Variants in ABCB5 observed in about 807,000 individuals in gnomAD.
ABCB5 encodes the protein ATP-binding cassette sub-family B member 5.
Under a neutral mutation model 144.2 loss-of-function variants are expected in ABCB5, and 155 were observed. That is an observed-to-expected ratio of 1.08 (90% confidence interval 0.94 to 1.23). The LOEUF is 1.23. ABCB5 is among the 50% of genes most tolerant of loss of function. The probability of loss-of-function intolerance (pLI) is 0.00; values close to 1 mark genes in which losing one functional copy is unlikely to be tolerated. For missense variants in ABCB5, 1,830 were observed against 1,520.8 expected, an observed-to-expected ratio of 1.20 and a Z score of -3.38; for synonymous variants, 610 against 528.6, an observed-to-expected ratio of 1.15 and a Z score of -2.11.
chr7:20,649,995 T>A, intron 11 of ABCB5, 27 bp from the exon 12 acceptor site: 4 of 1,593,962 alleles, frequency 2.5e-6, no homozygotes, highest in Non-Finnish European at 3.4e-6. Flanking sequence ...TGTGGTTTTA[T>A]GATTTTCCCT....
At chr7:20,717,128 C>T (rs1781698816) in intron 20 of ABCB5, among the ~76,000 whole-genome samples, 1 of 152,126 alleles carries the variant, frequency 6.6e-6, no homozygotes, top group African/African-American at 2.4e-5. Flanking sequence ...ATGCCAAGAA[C>T]TTAAGGTCCA....
chr7:20,701,729 C>T (rs1304634567), intron 19 of ABCB5, among the ~76,000 whole-genome samples: 2 of 152,216 alleles, frequency 1.3e-5, no homozygotes, highest in Non-Finnish European at 2.9e-5. Flanking sequence ...CATGTACATA[C>T]TCACAAAGAC....
intron 20 of ABCB5, among the ~76,000 whole-genome samples, chr7:20,706,728 A>C (rs1786836490): frequency 6.6e-6 from 1 of 152,210 alleles, no homozygotes; most frequent in Non-Finnish European, 1.5e-5. Flanking sequence ...AAACTGTCCC[A>C]GGTTGCAAAT....
intron 9 of ABCB5, 78 bp downstream of exon 9, chr7:20,646,216 G>C: frequency 1.5e-6 from 2 of 1,359,158 alleles, no homozygotes; most frequent in Non-Finnish European, 2.0e-6. Context: ...CCTCTTTGAA[G>C]ATAAATATTC....
intron 14 of ABCB5, among the ~76,000 whole-genome samples, chr7:20,681,011 T>TC: frequency 1.6e-4 from 1 of 6,196 alleles, no homozygotes; most frequent in Admixed American, 1.8e-3. Context: ...TCTTTCTTTC[T>TC]TTCTTTCTTT....
intron 16 of ABCB5, among the ~76,000 whole-genome samples, chr7:20,687,502 A>G (rs1470117860): frequency 1.3e-5 from 2 of 152,260 alleles, no homozygotes; most frequent in African/African-American, 4.8e-5. Flanking sequence ...GCTGGACAAT[A>G]GTCACAGACC....
At position 20,711,778 on chromosome 7, in the gene ABCB5, C is replaced by CTT. The variant is rs1554287283; in HGVS notation, c.2421+6972_2421+6973insTT. Among the ~76,000 whole-genome samples the CTT allele has an allele frequency of 4.2e-4, 20 of 47,110 alleles. 2 individuals carry two copies. Among genetic ancestry groups the CTT allele is most frequent in the Non-Finnish European group, 6.4e-4 (18 of 28,148 alleles). 30.9% of individuals were successfully genotyped at this position (47,110 alleles called of 152,430 possible). ...CCAGCCTGCCTGCCTTTCCTTCTTT[C>CTT]TCTTTCTTTCTTTCTTTCTTTCTTT... is the stretch of plus-strand genomic sequence containing the variant. On this transcript the variant is annotated intron_variant, in intron 20 of 27. Coordinates refer to ENST00000404938, the MANE Select transcript of ABCB5 (RefSeq NM_001163941.2).
chr7:20,634,318 G>C (rs1341247739), intron 5 of ABCB5, among the ~76,000 whole-genome samples: 1 of 151,484 alleles, frequency 6.6e-6, no homozygotes, highest in Non-Finnish European at 1.5e-5. Context: ...CTTAGGTTGA[G>C]TCCATATCTT....
intron 14 of ABCB5, chr7:20,660,073 G>A (rs191413538): frequency 5.1e-6 from 5 of 985,310 alleles, no homozygotes; most frequent in African/African-American, 3.5e-5. Context: ...TTCATCCACT[G>A]GTAATCACTT....
intron 15 of ABCB5, among the ~76,000 whole-genome samples, chr7:20,685,373 A>G (rs747011664): frequency 2.4e-4 from 36 of 152,232 alleles, no homozygotes; most frequent in Admixed American, 1.9e-3. Flanking sequence ...CAGAAACAGT[A>G]TCTTCTGTCT....
Position 20,704,772 on chromosome 7 carries a change from A to C in ABCB5, c.2386A>C (p.Thr796Pro). Reference sequence around the variant, plus strand: ...GGAAAACAGCACAGGAGGCTTGACAACAATATTAGCCATAGATATAGCACA... The same window carrying C: ...GGAAAACAGCACAGGAGGCTTGACACCAATATTAGCCATAGATATAGCACA... Reference protein sequence around the residue: ...EKENSTGGLTTILAIDIAQIQ... With the variant: ...EKENSTGGLTPILAIDIAQIQ... Residue 796 changes from threonine (T) to proline (P), a missense_variant, in exon 20 of 28, where the codon ACA (threonine) becomes CCA (proline). Physicochemically the swap from Thr to Pro is conservative, Grantham distance 38 (BLOSUM62 -1). Coordinates refer to ENST00000404938, the MANE Select transcript of ABCB5 (RefSeq NM_001163941.2). The C allele has an allele frequency of 6.2e-7, 1 of 1,613,834 alleles. No individual in the cohort carries two copies. Among genetic ancestry groups the C allele is most frequent in the Non-Finnish European group, 8.5e-7 (1 of 1,179,838 alleles).
Position 20,643,336 on chromosome 7 carries a change from A to T in ABCB5, c.467A>T (p.Asp156Val), listed in dbSNP as rs772958187. 1 of 1,613,950 alleles carries T rather than the reference A, an allele frequency of 6.2e-7. No homozygotes were observed. Among genetic ancestry groups the T allele is most frequent in the South Asian group, 1.1e-5 (1 of 91,078 alleles). The change falls in exon 6 of 28, where the codon GAT (aspartate) becomes GTT (valine). Residue 156 changes from aspartate (D) to valine (V), a missense_variant. Physicochemically the swap from Asp to Val is radical, Grantham distance 152 (BLOSUM62 -3). Transcript: ENST00000404938. ...TTGGCACAGGACATCGGCTGGTTTG[A>T]TAGCTGTGACATCGGTGAACTTAAC... ...SVLAQDIGWF[D>V]SCDIGELNTR...
chr7:20,648,419 C>G (rs6949755), intron 11 of ABCB5, among the ~76,000 whole-genome samples: 62,264 of 151,874 alleles, frequency 0.41, 13,800 homozygotes, highest in East Asian at 0.66. Context: ...TAACCCCCTC[C>G]TCTCTAACCT....
chr7:20,722,673 T>G (rs1366830544), intron 20 of ABCB5, among the ~76,000 whole-genome samples: 1 of 151,998 alleles, frequency 6.6e-6, no homozygotes, highest in East Asian at 1.9e-4. Context: ...TATAAAAAAA[T>G]TAGCTGGGCT....
intron 13 of ABCB5, among the ~76,000 whole-genome samples, chr7:20,652,531 C>T (rs1784631195): frequency 6.6e-6 from 1 of 152,134 alleles, no homozygotes; most frequent in South Asian, 2.1e-4. Flanking sequence ...GATCGCACCA[C>T]TGCGCTCCAA....
At position 20,647,660 on chromosome 7, in the gene ABCB5, T is replaced by C. The variant is rs1216309955; in HGVS notation, c.1095+12T>C. ...AGGTTATTGATAAGGTAAGACCTCTTATTGCTTTGAAGAATAACTATCATT... is the reference window on the plus strand; with the variant it reads ...AGGTTATTGATAAGGTAAGACCTCTCATTGCTTTGAAGAATAACTATCATT... On this transcript the variant is annotated intron_variant, in intron 10 of 27. Transcript: ENST00000404938. The C allele has an allele frequency of 6.4e-7, 1 of 1,552,012 alleles. No homozygotes were observed. The highest frequency in any genetic ancestry group is 1.4e-5 in the African/African-American group (1 of 73,196).
intron 26 of ABCB5, among the ~76,000 whole-genome samples, chr7:20,746,583 T>G (rs1452715231): frequency 6.6e-6 from 1 of 152,162 alleles, no homozygotes; most frequent in East Asian, 1.9e-4. Flanking sequence ...CCCACTAGAG[T>G]GTAAGATCCT....
At chr7:20,671,527 T>C (rs1785459433) in intron 14 of ABCB5, among the ~76,000 whole-genome samples, 1 of 152,168 alleles carries the variant, frequency 6.6e-6, no homozygotes. Context: ...CCACTAGAGA[T>C]TAGTTTGTAT....
chr7:20,747,322 G>A (rs906965124), intron 26 of ABCB5, among the ~76,000 whole-genome samples: 2 of 152,160 alleles, frequency 1.3e-5, no homozygotes, highest in South Asian at 4.2e-4. Flanking sequence ...CCAGGCTGCA[G>A]TGCAGTGGTG....
Sources: allele counts gnomAD v4.1 joint callset (sites outside exome capture counted in the v4.1 genomes callset), GRCh38; gene constraint gnomAD v4.1.1; transcripts MANE v1.5; gene names NCBI Gene and HGNC (gene_info 2026-07-23, HGNC 2026-07-21).